Variants in EPB41L2 observed in about 807,000 individuals in gnomAD.
EPB41L2 encodes the protein erythrocyte membrane protein band 4.1 like 2, also known as band 4.1-like protein 2.
A neutral mutation model predicts 113.0 loss-of-function variants in EPB41L2; 43 were observed. That is an observed-to-expected ratio of 0.38 (90% CI 0.30 to 0.49). EPB41L2 has a LOEUF of 0.49. Ranked by LOEUF, EPB41L2 falls within the 20% of genes least tolerant of loss-of-function variation. The pLI, the probability that EPB41L2 is intolerant of heterozygous loss-of-function variation, is 0.95. For missense variants in EPB41L2, 1,147 were observed against 1,223.4 expected, an observed-to-expected ratio of 0.94 and a Z score of 0.93; for synonymous variants, 442 against 436.7, an observed-to-expected ratio of 1.01 and a Z score of -0.15.
rs769468412 is a variant in EPB41L2 at position 130,956,255 on chromosome 6, G to T, written c.231C>A (p.Phe77Leu). The T allele has an allele frequency of 1.2e-5, 20 of 1,614,004 alleles. No individual in the cohort carries two copies. The highest frequency in any genetic ancestry group is 1.7e-5 in the Non-Finnish European group (20 of 1,180,034). The change falls in exon 2 of 20, where the codon TTC (phenylalanine) becomes TTA (leucine). Residue 77 changes from phenylalanine (F) to leucine (L), a missense_variant. Phe to Leu is a conservative substitution (Grantham distance 22). Coordinates refer to ENST00000337057, the MANE Select transcript of EPB41L2 (RefSeq NM_001431.4). ...ETSESRGISRFIPPWLKKQKS... is the reference protein window; with the variant it reads ...ETSESRGISRLIPPWLKKQKS... ...TTTGCTTCTTAAGCCATGGCGGTAT[G>T]AACCGAGAAATACCCCTGCTCTCCG...
intron 1 of EPB41L2, among the ~76,000 whole-genome samples, chr6:130,982,010 A>G (rs913799608): frequency 6.6e-6 from 1 of 152,102 alleles, no homozygotes; most frequent in South Asian, 2.1e-4. Context: ...TGATTTTAAA[A>G]GTTTTGATGA....
chr6:130,900,691 G>A (rs1161422667), intron 7 of EPB41L2, among the ~76,000 whole-genome samples: 2 of 152,154 alleles, frequency 1.3e-5, no homozygotes, highest in African/African-American at 4.8e-5. Context: ...TGTGTTAGGG[G>A]GATAGGGAGA....
chr6:130,994,129 C>T (rs1252862483), intron 1 of EPB41L2, among the ~76,000 whole-genome samples: 1 of 152,156 alleles, frequency 6.6e-6, no homozygotes, highest in Non-Finnish European at 1.5e-5. Context: ...GAGTCTACCA[C>T]TCCAGCAAAA....
chr6:130,853,799 G>C (rs1779449589), intron 19 of EPB41L2, among the ~76,000 whole-genome samples: 2 of 152,228 alleles, frequency 1.3e-5, no homozygotes, highest in Non-Finnish European at 2.9e-5. Flanking sequence ...AGACGGAGCA[G>C]ATACATTGCA....
chr6:131,018,778 T>A (rs1788806062), intron 1 of EPB41L2, among the ~76,000 whole-genome samples: 1 of 152,184 alleles, frequency 6.6e-6, no homozygotes, highest in African/African-American at 2.4e-5. Context: ...TTTACCCCAT[T>A]TATTTAATAG....
intron 4 of EPB41L2, among the ~76,000 whole-genome samples, chr6:130,911,368 G>A (rs1007812413): frequency 6.6e-6 from 1 of 152,096 alleles, no homozygotes; most frequent in Non-Finnish European, 1.5e-5. Context: ...AGGGCCTGTT[G>A]GGGTGTGGGG....
chr6:130,880,147 C>T lies in EPB41L2; in HGVS notation c.1893G>A (p.Leu631=), dbSNP rs1419600067. The T allele has an allele frequency of 6.2e-7, 1 of 1,606,122 alleles. No individual in the cohort carries two copies. The highest frequency in any genetic ancestry group is 1.7e-5 in the Admixed American group (1 of 59,938). ...NIYVRHSNLM[L]EELDKAQEDI... ...TGTTTTCTTAGATTATACAAACCTC[C>T]AACATTAAATTGCTATGTCTGACAT... is the stretch of plus-strand genomic sequence containing the variant. The change falls in exon 13 of 20, where the codon TTG becomes TTA. Residue 631 remains leucine, a synonymous_variant. Coordinates refer to ENST00000337057, the MANE Select transcript of EPB41L2 (RefSeq NM_001431.4).
Position 130,931,628 on chromosome 6 carries a change from T to G in EPB41L2, c.706-4919A>C, listed in dbSNP as rs529254901. 7.9e-5 allele frequency among the ~76,000 whole-genome samples: 12 copies of G among 152,300 alleles called. No individual in the cohort carries two copies. In the South Asian group the frequency reaches 2.5e-3, roughly 32 times the overall value. ...CGGCTCAGACAGCAACACCATCTAG[T>G]GGCTCACAACTTTGTCTTCACACTG... On this transcript the variant is annotated intron_variant, in intron 3 of 19. Coordinates refer to ENST00000337057, the MANE Select transcript of EPB41L2 (RefSeq NM_001431.4).
intron 1 of EPB41L2, among the ~76,000 whole-genome samples, chr6:131,018,833 C>CA (rs1351284146): frequency 6.6e-6 from 1 of 152,140 alleles, no homozygotes; most frequent in Non-Finnish European, 1.5e-5. Flanking sequence ...TATAGTGTAA[C>CA]AAGCTTCGTT....
chr6:130,876,948 A>C (rs79463371), intron 14 of EPB41L2, among the ~76,000 whole-genome samples: 1 of 152,154 alleles, frequency 6.6e-6, no homozygotes, highest in African/African-American at 2.4e-5. Flanking sequence ...TCCAGAAAAC[A>C]CAACATTCTG....
chr6:130,907,132 A>G (rs148225223), intron 5 of EPB41L2, among the ~76,000 whole-genome samples: 6 of 152,360 alleles, frequency 3.9e-5, no homozygotes, highest in Middle Eastern at 6.8e-3. Context: ...ACCATAGGAA[A>G]CAACTCAATG....
intron 14 of EPB41L2, 132 bp from the exon 15 acceptor site, chr6:130,870,258 G>A: frequency 1.3e-6 from 2 of 1,537,300 alleles, no homozygotes; most frequent in African/African-American, 1.4e-5. Flanking sequence ...TGACTGAAAG[G>A]GAAGCGGGGC....
intron 5 of EPB41L2, among the ~76,000 whole-genome samples, chr6:130,906,052 G>A (rs888767390): frequency 1.4e-4 from 21 of 152,158 alleles, no homozygotes; most frequent in African/African-American, 5.1e-4. Flanking sequence ...AGATATATGA[G>A]GTTTCTTGGC....
At chr6:131,001,013 A>C (rs1784239402) in intron 1 of EPB41L2, among the ~76,000 whole-genome samples, 1 of 152,184 alleles carries the variant, frequency 6.6e-6, no homozygotes, top group African/African-American at 2.4e-5. Flanking sequence ...TATAATGAAT[A>C]ATAAACAAAG....
At chr6:130,863,506 C>T (rs1782789714) in intron 18 of EPB41L2, 132 bp downstream of exon 18, 3 of 610,660 alleles carry the variant, frequency 4.9e-6, no homozygotes, top group African/African-American at 3.7e-5. Context: ...GTCTTTATGT[C>T]CTGCTTAGGA....
At chr6:130,934,538 T>A (rs1385311580) in intron 3 of EPB41L2, among the ~76,000 whole-genome samples, 1 of 152,152 alleles carries the variant, frequency 6.6e-6, no homozygotes, top group African/African-American at 2.4e-5. Flanking sequence ...AGTGGCACAA[T>A]CCTGGCTCAC....
chr6:130,870,369 C>T (rs1178657587), intron 14 of EPB41L2: 17 of 1,550,386 alleles, frequency 1.1e-5, no homozygotes, highest in Admixed American at 5.9e-5. Context: ...CCTTCTGACT[C>T]GGGAGCACGT....
At chr6:131,030,414 A>G (rs539724069) in intron 1 of EPB41L2, among the ~76,000 whole-genome samples, 2 of 152,246 alleles carry the variant, frequency 1.3e-5, no homozygotes, top group African/African-American at 4.8e-5. Flanking sequence ...CCTGGCTAAA[A>G]GACTCATATA....
At chr6:130,917,912 A>T (rs1019106286) in intron 4 of EPB41L2, among the ~76,000 whole-genome samples, 4 of 152,212 alleles carry the variant, frequency 2.6e-5, no homozygotes, top group African/African-American at 7.2e-5. Context: ...AGAGAAATTA[A>T]CAAATTCAAC....
Sources: gnomAD v4.1 joint callset for allele counts (sites outside exome capture counted in the v4.1 genomes callset) on GRCh38, gnomAD v4.1.1 for gene constraint, MANE v1.5 for transcripts, NCBI Gene and HGNC (gene_info 2026-07-23, HGNC 2026-07-21) for gene names.